Variants in PIK3C2A observed in about 807,000 individuals in gnomAD.
The protein encoded by PIK3C2A is phosphatidylinositol-4-phosphate 3-kinase catalytic subunit type 2 alpha, also known as phosphatidylinositol 4-phosphate 3-kinase C2 domain-containing subunit alpha.
PIK3C2A carries 97 observed loss-of-function variants against 204.5 expected under a neutral mutation model. The ratio of observed to expected loss-of-function variants is 0.47; its 90% CI spans 0.40 to 0.56. PIK3C2A has a LOEUF of 0.56. Among genes scored for constraint, PIK3C2A ranks in the 20% least tolerant of loss-of-function variants. The pLI, the probability that PIK3C2A is intolerant of heterozygous loss-of-function variation, is 0.00. For missense variants in PIK3C2A, 1,735 were observed against 1,969.2 expected (o/e 0.88, Z 2.25); for synonymous variants, 653 against 664.4 (o/e 0.98, Z 0.26).
Position 17,169,213 on chromosome 11 carries a change from G to C in PIK3C2A, c.529C>G (p.Pro177Ala). 1 of 1,614,024 alleles carries C rather than the reference G, an allele frequency of 6.2e-7. No individual in the cohort carries two copies. Among genetic ancestry groups the C allele is most frequent in the African/African-American group, 1.3e-5 (1 of 75,036 alleles). The stretch of plus-strand genomic sequence containing the variant: ...ATAGGTTCTGTAGATGGAAAAGTGG[G>C]CATTCTTGGATTGAAGCCATTTTGG... ...AFQNGFNPRM[P>A]TFPSTEPIYL... is the part of the protein sequence containing the mutation. Residue 177 changes from proline to alanine, a missense_variant, in exon 2 of 33, where the codon CCC becomes GCC. This residue lies in a region of PIK3C2A where 536 missense variants were observed against 546.7 expected (regional missense o/e 0.98). Coordinates refer to ENST00000691414, the MANE Select transcript of PIK3C2A (RefSeq NM_002645.4).
chr11:17,113,053 C>T (rs1849051344), intron 20 of PIK3C2A, among the ~76,000 whole-genome samples: 1 of 151,778 alleles, frequency 6.6e-6, no homozygotes, highest in South Asian at 2.1e-4. Context: ...CTCTTGTTGC[C>T]CAGGCTGGAC....
intron 8 of PIK3C2A, among the ~76,000 whole-genome samples, chr11:17,137,727 C>T (rs1849921606): frequency 6.6e-6 from 1 of 152,024 alleles, no homozygotes; most frequent in Non-Finnish European, 1.5e-5. Context: ...TCTTTAAGTG[C>T]CAATTATCAA....
chr11:17,147,770 A>G (rs548881468), intron 5 of PIK3C2A, 142 bp from the exon 6 acceptor site: 1 of 583,062 alleles, frequency 1.7e-6, no homozygotes, highest in East Asian at 2.9e-5. Flanking sequence ...TGAGCATTTA[A>G]ACAGAGAAAT....
intron 8 of PIK3C2A, among the ~76,000 whole-genome samples, chr11:17,139,242 T>C (rs904846732): frequency 1.3e-5 from 2 of 150,260 alleles, no homozygotes; most frequent in Non-Finnish European, 3.0e-5. Flanking sequence ...CCTTTTTTTT[T>C]TTTGAGGTGG....
chr11:17,143,843 G>T (rs1409479826), intron 8 of PIK3C2A, among the ~76,000 whole-genome samples: 2 of 151,974 alleles, frequency 1.3e-5, no homozygotes, highest in African/African-American at 4.8e-5. Context: ...AGGCTGAGGT[G>T]GGAGAATCAC....
chr11:17,119,676 G>T, intron 16 of PIK3C2A, 110 bp downstream of exon 16: 1 of 636,468 alleles, frequency 1.6e-6, no homozygotes, highest in Non-Finnish European at 2.7e-6. Context: ...TTACACATTT[G>T]GATTATATTG....
Position 17,169,245 on chromosome 11 carries a change from G to A in PIK3C2A, c.497C>T (p.Ala166Val), listed in dbSNP as rs753466083. ...SIYPSTYSKQ[A>V]AFQNGFNPRM... ...TGGATTGAAGCCATTTTGGAATGCA[G>A]CCTGTTTACTGTAAGTAGAAGGATA... Residue 166 changes from alanine to valine, a missense_variant, in exon 2 of 33, where the codon GCT becomes GTT. Transcript: ENST00000691414. 2.5e-6 allele frequency: 4 copies of A among 1,614,044 alleles called. No homozygotes were observed. In the Admixed American group the frequency reaches 5.0e-5, roughly 20 times the overall value.
intron 8 of PIK3C2A, among the ~76,000 whole-genome samples, chr11:17,143,959 C>CA (rs1285258410): frequency 6.6e-6 from 1 of 151,540 alleles, no homozygotes; most frequent in Non-Finnish European, 1.5e-5. Context: ...ACAACAACAA[C>CA]AAAAAATCCA....
Position 17,148,804 on chromosome 11 carries a change from C to T in PIK3C2A, c.1328-17G>A. 2 of 1,598,414 alleles carry T rather than the reference C, an allele frequency of 1.3e-6. No individual in the cohort carries two copies. Among genetic ancestry groups the T allele is most frequent in the Non-Finnish European group, 1.7e-6 (2 of 1,168,548 alleles). On this transcript the variant is annotated splice_polypyrimidine_tract_variant and intron_variant, in intron 4 of 32. Transcript: ENST00000691414. ...TAGAACTCACTGTAAAAGAGTTAGT[C>T]ATTATTTTCACTTTGCTCATTTATA...
In PIK3C2A at chr11:17,102,694, CA is replaced by C; in HGVS notation, c.3818del (p.Leu1273TrpfsTer19). The C allele has an allele frequency of 6.2e-7, 1 of 1,613,470 alleles. No homozygotes were observed. Among genetic ancestry groups the C allele is most frequent in the South Asian group, 1.1e-5 (1 of 90,922 alleles). ...AGCTGCCAAACATCTGTGCATGTCC[CA>C]AAAACTTTCCAAAGTCAATGTGAAA... The part of the protein sequence containing the change: ...HMFHIDFGKF[L>X]GHAQMFGSFK... On this transcript the variant is annotated frameshift_variant, in exon 24 of 33. Coordinates refer to ENST00000691414, the MANE Select transcript of PIK3C2A (RefSeq NM_002645.4). LOFTEE classifies it high-confidence loss of function.
chr11:17,139,242 T>G (rs904846732), intron 8 of PIK3C2A, among the ~76,000 whole-genome samples: 9 of 150,260 alleles, frequency 6.0e-5, no homozygotes, highest in Non-Finnish European at 1.5e-5. Context: ...CCTTTTTTTT[T>G]TTTGAGGTGG....
chr11:17,147,476 G>C, intron 6 of PIK3C2A, 41 bp downstream of exon 6: 4 of 1,114,584 alleles, frequency 3.6e-6, no homozygotes, highest in Non-Finnish European at 5.4e-6. Flanking sequence ...GAATTATTCA[G>C]ATTCAAACAA....
rs567999461 is a variant in PIK3C2A, at chr11:17,206,514, T to A, written c.-66+1334A>T. Among the ~76,000 whole-genome samples the A allele has an allele frequency of 3.3e-3, 446 of 133,904 alleles. 4 individuals are homozygous for A. The highest frequency in any genetic ancestry group is 0.011 in the African/African-American group (405 of 36,458). The allele number at this position is 133,904 out of a possible 152,430, so 87.8% of individuals were successfully genotyped here. A position where few individuals can be genotyped will look rare whatever the true frequency, so the allele number is the denominator to read the frequency against. On this transcript the variant is annotated intron_variant, in intron 1 of 32. Coordinates refer to ENST00000691414, the MANE Select transcript of PIK3C2A (RefSeq NM_002645.4). Reference sequence around the variant, plus strand: ...TGTCCAGATAAGGTTAGATCAAATTTAAAAAAAAAAAAAGCACCATTCTGC... The same window carrying A: ...TGTCCAGATAAGGTTAGATCAAATTAAAAAAAAAAAAAAGCACCATTCTGC...
intron 2 of PIK3C2A, among the ~76,000 whole-genome samples, chr11:17,161,481 A>G (rs1590978006): frequency 6.6e-6 from 1 of 152,356 alleles, no homozygotes; most frequent in African/African-American, 2.4e-5. Flanking sequence ...CTCTATGACA[A>G]TAATTTGATC....
intron 13 of PIK3C2A, among the ~76,000 whole-genome samples, 173 bp downstream of exon 13, chr11:17,129,127 C>G (rs1849614425): frequency 6.6e-6 from 1 of 152,174 alleles, no homozygotes; most frequent in South Asian, 2.1e-4. Flanking sequence ...AGCAGACTAA[C>G]TTTGATTTCC....
rs1295975065 is a variant in PIK3C2A, at chr11:17,088,102, A to G, written c.*1636T>C. On this transcript the variant is annotated 3_prime_UTR_variant, in exon 33 of 33. Coordinates refer to ENST00000691414, the MANE Select transcript of PIK3C2A (RefSeq NM_002645.4). ...TTGCATATTTTGTCAGTTTTCTCAC[A>G]GCAACCTGATTGGTACAATTTCTAT... 5.9e-5 allele frequency: 9 copies of G among 152,204 alleles called. No homozygotes were observed. Among genetic ancestry groups the G allele is most frequent in the African/African-American group, 1.9e-4 (8 of 41,452 alleles). The allele number at this position is 152,204 out of a possible 1,614,324, so 9.4% of individuals were successfully genotyped here.
At chr11:17,173,383 T>C (rs1175579521) in intron 1 of PIK3C2A, among the ~76,000 whole-genome samples, 2 of 152,234 alleles carry the variant, frequency 1.3e-5, no homozygotes, top group Non-Finnish European at 2.9e-5. Context: ...AGCTTTTCTT[T>C]GAGCTTACTA....
intron 13 of PIK3C2A, 100 bp downstream of exon 13, chr11:17,129,200 C>A (rs1849617646): frequency 3.5e-6 from 3 of 846,190 alleles, no homozygotes; most frequent in Non-Finnish European, 5.7e-6. Flanking sequence ...GAGGCTCATT[C>A]ACTCATCTAT....
intron 1 of PIK3C2A, among the ~76,000 whole-genome samples, chr11:17,185,480 T>C (rs1278187734): frequency 6.6e-6 from 1 of 152,184 alleles, no homozygotes; most frequent in Admixed American, 6.6e-5. Context: ...GGTTTGGTAC[T>C]ATCCGAAGTT....
Sources: gnomAD v4.1 joint callset for allele counts (sites outside exome capture counted in the v4.1 genomes callset) on GRCh38, gnomAD v4.1.1 for gene constraint, gnomAD v4.1.1 regional missense constraint, MANE v1.5 for transcripts, NCBI Gene and HGNC (gene_info 2026-07-23, HGNC 2026-07-21) for gene names.